KCNAB1: variants seen among roughly 807,000 people sequenced by gnomAD.
The protein encoded by KCNAB1 is potassium voltage-gated channel subfamily A regulatory beta subunit 1.
A neutral mutation model predicts 64.6 loss-of-function variants in KCNAB1; 35 were observed. The observed-to-expected ratio is 0.54, with a 90% CI of 0.41 to 0.72. KCNAB1 has a LOEUF of 0.72. Ranked by LOEUF, KCNAB1 falls within the 30% of genes least tolerant of loss-of-function variation. KCNAB1 has a pLI of 0.00. For missense variants in KCNAB1, 401 were observed against 512.9 expected, an observed-to-expected ratio of 0.78 and a Z score of 2.11; for synonymous variants, 177 against 183.8, an observed-to-expected ratio of 0.96 and a Z score of 0.30.
At position 156,537,295 on chromosome 3, in the gene KCNAB1, A is replaced by G. The variant is rs1489395411; in HGVS notation, c.*548A>G. 1 of 377,596 alleles carries G rather than the reference A, an allele frequency of 2.6e-6. No individual in the cohort carries two copies. 23.4% of individuals were successfully genotyped at this position (377,596 alleles called of 1,614,324 possible). ...AAGTCTTGCTTGGAAGAATAAGCAGAAATAATTTTATATATTTTTTTTCTA... is the reference window on the plus strand; with the variant it reads ...AAGTCTTGCTTGGAAGAATAAGCAGGAATAATTTTATATATTTTTTTTCTA... On this transcript the variant is annotated 3_prime_UTR_variant, in exon 14 of 14. Transcript: ENST00000490337.
intron 8 of KCNAB1, among the ~76,000 whole-genome samples, chr3:156,497,170 A>G (rs182273837): frequency 3.3e-5 from 5 of 152,324 alleles, no homozygotes; most frequent in African/African-American, 4.8e-5. Context: ...GACAATATAA[A>G]TAAGTGCCAC....
chr3:156,328,546 G>A lies in KCNAB1; in HGVS notation c.276-93070G>A, dbSNP rs146996287. ...TTTAGCTGGGTCACCCTATCCTGTAGTTATGTCGTTATTGTATTAAATACT... is the reference window on the plus strand; with the variant it reads ...TTTAGCTGGGTCACCCTATCCTGTAATTATGTCGTTATTGTATTAAATACT... On this transcript the variant is annotated intron_variant, in intron 1 of 13. Coordinates refer to ENST00000490337, the MANE Select transcript of KCNAB1 (RefSeq NM_172160.3). Among the ~76,000 whole-genome samples the A allele has an allele frequency of 2.4e-3, 370 of 152,238 alleles. 1 individual carries two copies. The highest frequency in any genetic ancestry group is 8.4e-3 in the African/African-American group (351 of 41,544).
At chr3:156,297,959 G>T (rs895723076) in intron 1 of KCNAB1, among the ~76,000 whole-genome samples, 2 of 152,192 alleles carry the variant, frequency 1.3e-5, no homozygotes, top group Non-Finnish European at 2.9e-5. Context: ...AAGTTTCTTG[G>T]TTTATTTTTG....
chr3:156,211,839 T>G (rs1430866084), intron 1 of KCNAB1, among the ~76,000 whole-genome samples: 1 of 152,204 alleles, frequency 6.6e-6, no homozygotes, highest in Non-Finnish European at 1.5e-5. Flanking sequence ...CCAACAGAAT[T>G]TCTTATCTGA....
intron 1 of KCNAB1, among the ~76,000 whole-genome samples, chr3:156,385,205 G>A (rs960213103): frequency 1.3e-5 from 2 of 152,132 alleles, no homozygotes; most frequent in Non-Finnish European, 2.9e-5. Flanking sequence ...TGAGAAACAT[G>A]TGCCCTAAGG....
intron 1 of KCNAB1, among the ~76,000 whole-genome samples, chr3:156,349,329 A>G (rs1010078237): frequency 6.6e-6 from 1 of 152,178 alleles, no homozygotes; most frequent in Non-Finnish European, 1.5e-5. Flanking sequence ...GCCCAGCCCT[A>G]TGTTGGAAAG....
At chr3:156,173,406 G>C (rs1437035096) in intron 1 of KCNAB1, among the ~76,000 whole-genome samples, 1 of 152,162 alleles carries the variant, frequency 6.6e-6, no homozygotes, top group Non-Finnish European at 1.5e-5. Context: ...ACTCTTCCTA[G>C]TTTTAACTAC....
intron 1 of KCNAB1, among the ~76,000 whole-genome samples, chr3:156,260,878 C>T (rs993234866): frequency 6.6e-6 from 1 of 152,072 alleles, no homozygotes; most frequent in South Asian, 2.1e-4. Context: ...CATGAAAGTT[C>T]CAGTTTCTCC....
At chr3:156,441,924 G>T (rs1336633228) in intron 2 of KCNAB1, among the ~76,000 whole-genome samples, 1 of 152,076 alleles carries the variant, frequency 6.6e-6, no homozygotes, top group Non-Finnish European at 1.5e-5. Context: ...AGAAACTCTT[G>T]CTCATGAATG....
chr3:156,172,862 C>T (rs1260205370), intron 1 of KCNAB1, among the ~76,000 whole-genome samples: 1 of 152,204 alleles, frequency 6.6e-6, no homozygotes, highest in Non-Finnish European at 1.5e-5. Flanking sequence ...GCATCTAATG[C>T]CTTTTAAGCT....
chr3:156,535,821 C>T (rs546920896), intron 13 of KCNAB1, among the ~76,000 whole-genome samples: 2 of 152,248 alleles, frequency 1.3e-5, no homozygotes, highest in South Asian at 2.1e-4. Context: ...CTTTCCACCT[C>T]CTCCAGCTCA....
At chr3:156,528,388 C>T (rs1415698716) in intron 12 of KCNAB1, among the ~76,000 whole-genome samples, 2 of 152,180 alleles carry the variant, frequency 1.3e-5, no homozygotes, top group East Asian at 3.8e-4. Context: ...ATTCAACAAA[C>T]ATTTAATAAG....
At chr3:156,159,079 C>T (rs189917418) in intron 1 of KCNAB1, among the ~76,000 whole-genome samples, 2,424 of 152,122 alleles carry the variant, frequency 0.016, 46 homozygotes, top group Non-Finnish European at 0.019. Context: ...CCGCCCCCCC[C>T]TGTAATAATT....
intron 2 of KCNAB1, among the ~76,000 whole-genome samples, chr3:156,444,606 A>G (rs982174251): frequency 2.6e-5 from 4 of 152,178 alleles, no homozygotes; most frequent in Middle Eastern, 3.2e-3. Flanking sequence ...CACCAGCAAG[A>G]GGGTATCTTC....
chr3:156,459,804 A>T, intron 4 of KCNAB1, 23 bp from the exon 5 acceptor site: 1 of 1,586,830 alleles, frequency 6.3e-7, no homozygotes, highest in African/African-American at 1.4e-5. Flanking sequence ...GCATTCTAAG[A>T]CATTATCTGT....
chr3:156,275,233 T>G (rs147434925), intron 1 of KCNAB1, among the ~76,000 whole-genome samples: 112 of 152,364 alleles, frequency 7.4e-4, no homozygotes, highest in African/African-American at 2.6e-3. Flanking sequence ...TTACACTGTG[T>G]TCATATTAAA....
chr3:156,154,978 G>C lies in KCNAB1; in HGVS notation c.275+34092G>C, dbSNP rs73876118. Among the ~76,000 whole-genome samples, 415 of 152,132 alleles carry C rather than the reference G, an allele frequency of 2.7e-3. 1 individual carries two copies. Among genetic ancestry groups the C allele is most frequent in the African/African-American group, 9.5e-3 (396 of 41,486 alleles). ...CTTCTTGGGTTCTGGATCCTGTATGGGTTAAATATTTTCCCTAATATGTCT... is the reference window on the plus strand; with the variant it reads ...CTTCTTGGGTTCTGGATCCTGTATGCGTTAAATATTTTCCCTAATATGTCT... On this transcript the variant is annotated intron_variant, in intron 1 of 13. Transcript: ENST00000490337.
At chr3:156,417,585 C>T (rs1468143634) in intron 1 of KCNAB1, among the ~76,000 whole-genome samples, 2 of 152,100 alleles carry the variant, frequency 1.3e-5, no homozygotes, top group Admixed American at 6.5e-5. Context: ...TTTAAAACAA[C>T]AAATTTGGGT....
chr3:156,403,914 G>A (rs1194855879), intron 1 of KCNAB1, among the ~76,000 whole-genome samples: 1 of 146,916 alleles, frequency 6.8e-6, no homozygotes, highest in Non-Finnish European at 1.5e-5. Context: ...AACAAAGGGA[G>A]GTGGTCCCAT....
Sources: gnomAD v4.1 joint callset for allele counts (sites outside exome capture counted in the v4.1 genomes callset) on GRCh38, gnomAD v4.1.1 for gene constraint, MANE v1.5 for transcripts, NCBI Gene and HGNC (gene_info 2026-07-23, HGNC 2026-07-21) for gene names.